Variants in PTPRD observed in about 807,000 individuals in gnomAD.
PTPRD encodes the protein receptor-type tyrosine-protein phosphatase delta.
In PTPRD, 34 loss-of-function variants were observed where a neutral mutation model predicts 214.5. The observed-to-expected ratio is 0.16, with a 90% CI of 0.12 to 0.21. The LOEUF is 0.21. PTPRD is among the 10% of genes least tolerant of loss of function. PTPRD has a pLI of 1.00. For missense variants in PTPRD, 2,545 were observed against 2,398.7 expected (o/e 1.06, Z -1.27); for synonymous variants, 1,128 against 845.7 (o/e 1.33, Z -5.79).
At chr9:8,768,532 G>A (rs2094942227) in intron 11 of PTPRD, among the ~76,000 whole-genome samples, 1 of 152,098 alleles carries the variant, frequency 6.6e-6, no homozygotes, top group South Asian at 2.1e-4. Flanking sequence ...CAGCCTGGGT[G>A]ACAGAGCAAG....
intron 3 of PTPRD, among the ~76,000 whole-genome samples, chr9:10,146,740 G>C (rs1370565128): frequency 6.6e-6 from 1 of 152,004 alleles, no homozygotes. Flanking sequence ...TTGTTTGTTT[G>C]TTTTGTTTTT....
intron 5 of PTPRD, among the ~76,000 whole-genome samples, chr9:9,780,231 G>C (rs1441024788): frequency 1.3e-5 from 2 of 152,008 alleles, no homozygotes; most frequent in African/African-American, 2.4e-5. Context: ...ATAAACATGA[G>C]AACAATAGAC....
intron 8 of PTPRD, among the ~76,000 whole-genome samples, chr9:9,427,186 G>A (rs200023741): frequency 5.9e-5 from 9 of 152,134 alleles, no homozygotes; most frequent in Non-Finnish European, 1.2e-4. Context: ...ACGAATGGCT[G>A]ACTAGAATAA....
intron 12 of PTPRD, among the ~76,000 whole-genome samples, chr9:8,726,991 G>C (rs1254041748): frequency 6.6e-6 from 1 of 151,380 alleles, no homozygotes; most frequent in Non-Finnish European, 1.5e-5. Flanking sequence ...AAAGGGAAAA[G>C]AAAAAGAAGT....
chr9:8,888,648 A>G (rs898853065), intron 11 of PTPRD, among the ~76,000 whole-genome samples: 5 of 152,302 alleles, frequency 3.3e-5, no homozygotes, highest in East Asian at 3.9e-4. Flanking sequence ...GGTTATTTTT[A>G]TGGCTGCTTC....
At chr9:8,523,210 G>A (rs2097924760) in intron 19 of PTPRD, among the ~76,000 whole-genome samples, 1 of 152,086 alleles carries the variant, frequency 6.6e-6, no homozygotes. Context: ...AGAAATTAAA[G>A]GCAGGGTGGG....
At chr9:8,352,419 C>T (rs1156398184) in intron 39 of PTPRD, among the ~76,000 whole-genome samples, 1 of 152,124 alleles carries the variant, frequency 6.6e-6, no homozygotes, top group Non-Finnish European at 1.5e-5. Context: ...AGAGATTTTC[C>T]TTGTAAACCA....
chr9:9,721,690 G>C (rs967951865), intron 7 of PTPRD, among the ~76,000 whole-genome samples: 6 of 152,034 alleles, frequency 3.9e-5, no homozygotes, highest in Admixed American at 3.3e-4. Context: ...AACTCTCCCT[G>C]ATAAAATTAT....
At chr9:8,422,705 C>T (rs903987058) in intron 35 of PTPRD, among the ~76,000 whole-genome samples, 2 of 152,058 alleles carry the variant, frequency 1.3e-5, no homozygotes, top group African/African-American at 4.8e-5. Flanking sequence ...GCTGTGACAA[C>T]AAGGATCAAT....
chr9:8,646,191 T>C lies in PTPRD; in HGVS notation c.65-9347A>G, dbSNP rs374916431. ...ACATGCAACCAGGATTGAGAATTAC[T>C]GAATGATGCCATGATATCCATAGCT... On this transcript the variant is annotated intron_variant, in intron 12 of 45. Coordinates refer to ENST00000381196, the MANE Select transcript of PTPRD (RefSeq NM_002839.4). Among the ~76,000 whole-genome samples the C allele has an allele frequency of 1.7e-4, 26 of 152,360 alleles. 2 individuals are homozygous for C. Among genetic ancestry groups the C allele is most frequent in the African/African-American group, 6.0e-4 (25 of 41,584 alleles).
At chr9:10,464,844 G>A (rs937587162) in intron 2 of PTPRD, among the ~76,000 whole-genome samples, 5 of 151,938 alleles carry the variant, frequency 3.3e-5, no homozygotes, top group African/African-American at 1.2e-4. Context: ...GTGAAAATTT[G>A]ACATCCCTCC....
At chr9:8,811,232 C>G (rs937515825) in intron 11 of PTPRD, among the ~76,000 whole-genome samples, 2 of 152,098 alleles carry the variant, frequency 1.3e-5, no homozygotes, top group African/African-American at 4.8e-5. Context: ...TTGAGAGAAC[C>G]CTTCCCGACA....
intron 2 of PTPRD, among the ~76,000 whole-genome samples, chr9:10,536,227 AG>A (rs1332210395): frequency 6.6e-6 from 1 of 152,172 alleles, no homozygotes; most frequent in African/African-American, 2.4e-5. Flanking sequence ...GCAATTATAT[AG>A]GAAAAAGTAT....
At position 10,393,649 on chromosome 9, in the gene PTPRD, TAGAGAGAG is replaced by T. The variant is rs199987535; in HGVS notation, c.-599-52640_-599-52633del. ...TTATTCTGCAAGTATATATATATAT[TAGAGAGAG>T]AGAGAGAGAGACACTCTATTGGGTC... On this transcript the variant is annotated intron_variant, in intron 2 of 45. Transcript: ENST00000381196. Among the ~76,000 whole-genome samples the T allele has an allele frequency of 1.4e-4, 20 of 144,592 alleles. No individual in the cohort carries two copies. In the South Asian group the frequency reaches 4.4e-3, roughly 31 times the overall value. The allele number at this position is 144,592 out of a possible 152,430, so 94.9% of individuals were successfully genotyped here. A position where few individuals can be genotyped will look rare whatever the true frequency, so the allele number is the denominator to read the frequency against.
At chr9:10,293,287 A>G (rs1258537484) in intron 3 of PTPRD, among the ~76,000 whole-genome samples, 1 of 151,928 alleles carries the variant, frequency 6.6e-6, no homozygotes, top group Non-Finnish European at 1.5e-5. Context: ...GTACTTCATT[A>G]TCTTGTAAAT....
At chr9:10,255,033 T>C (rs1293548240) in intron 3 of PTPRD, among the ~76,000 whole-genome samples, 1 of 152,224 alleles carries the variant, frequency 6.6e-6, no homozygotes, top group Non-Finnish European at 1.5e-5. Flanking sequence ...CATGGCTTTG[T>C]AGATATGATG....
At chr9:8,433,370 T>C (rs993927363) in intron 35 of PTPRD, among the ~76,000 whole-genome samples, 1 of 152,216 alleles carries the variant, frequency 6.6e-6, no homozygotes, top group East Asian at 1.9e-4. Context: ...ACAGTATACA[T>C]TTTATTGTTA....
At chr9:8,773,301 A>C (rs1195015953) in intron 11 of PTPRD, among the ~76,000 whole-genome samples, 3 of 151,556 alleles carry the variant, frequency 2.0e-5, no homozygotes, top group South Asian at 2.1e-4. Flanking sequence ...TGTCCTGCAG[A>C]CTCCAGCTGC....
intron 10 of PTPRD, among the ~76,000 whole-genome samples, chr9:9,029,595 A>T (rs1301663345): frequency 2.0e-5 from 3 of 151,980 alleles, no homozygotes; most frequent in African/African-American, 7.2e-5. Context: ...AGACAGGAAG[A>T]GGGAGGGTTC....
Sources: gnomAD v4.1 joint callset for allele counts (sites outside exome capture counted in the v4.1 genomes callset) on GRCh38, gnomAD v4.1.1 for gene constraint, MANE v1.5 for transcripts, NCBI Gene and HGNC (gene_info 2026-07-23, HGNC 2026-07-21) for gene names.